The following OSBPL10 variants were observed in gnomAD, a reference collection of about 807,000 sequenced individuals.
OSBPL10 encodes the protein oxysterol binding protein like 10, also known as oxysterol-binding protein-related protein 10.
Under a neutral mutation model 81.7 loss-of-function variants are expected in OSBPL10, and 49 were observed. The ratio of observed to expected loss-of-function variants is 0.60; its 90% CI spans 0.48 to 0.76. The LOEUF (loss-of-function observed/expected upper bound fraction) is 0.76. Ranked by LOEUF, OSBPL10 falls within the 30% of genes least tolerant of loss-of-function variation. The pLI is 0.00. For missense variants in OSBPL10, 923 were observed against 987.8 expected (o/e 0.93, Z 0.88); for synonymous variants, 419 against 383.6 (o/e 1.09, Z -1.08).
At chr3:31,887,380 T>C (rs1343235779) in intron 1 of OSBPL10, among the ~76,000 whole-genome samples, 1 of 152,176 alleles carries the variant, frequency 6.6e-6, no homozygotes, top group African/African-American at 2.4e-5. Flanking sequence ...AAAATTAATA[T>C]CATCTGGTAA....
At chr3:31,771,267 C>T (rs974734962) in intron 4 of OSBPL10, among the ~76,000 whole-genome samples, 2 of 152,134 alleles carry the variant, frequency 1.3e-5, no homozygotes, top group African/African-American at 2.4e-5. Context: ...ATCACAGATA[C>T]AGAATTTCTA....
intron 4 of OSBPL10, among the ~76,000 whole-genome samples, chr3:31,804,183 TACTC>T (rs1216827283): frequency 3.9e-5 from 6 of 152,234 alleles, no homozygotes; most frequent in Admixed American, 6.5e-5. Flanking sequence ...GAAGAGCTTT[TACTC>T]ACCCCACCCC....
chr3:31,972,794 T>A lies in OSBPL10; in HGVS notation c.281+8105A>T, dbSNP rs1312608427. Reference sequence around the variant, plus strand: ...AACTCTTTGTATTTTCATCAATATATTTATAGAAAGGGACTAAACCACACA... The same window carrying A: ...AACTCTTTGTATTTTCATCAATATAATTATAGAAAGGGACTAAACCACACA... On this transcript the variant is annotated intron_variant, in intron 1 of 11. Transcript: ENST00000396556. 2.6e-5 allele frequency among the ~76,000 whole-genome samples: 4 copies of A among 152,164 alleles called. No homozygotes were observed. In the South Asian group the frequency reaches 8.3e-4, roughly 32 times the overall value.
chr3:31,977,499 A>C (rs1011089668), intron 1 of OSBPL10, among the ~76,000 whole-genome samples: 1 of 152,160 alleles, frequency 6.6e-6, no homozygotes, highest in Non-Finnish European at 1.5e-5. Flanking sequence ...ATCCTGGCCA[A>C]CTAGGTGCTA....
chr3:31,858,653 A>G (rs1340410033), intron 3 of OSBPL10, among the ~76,000 whole-genome samples: 1 of 152,220 alleles, frequency 6.6e-6, no homozygotes, highest in African/African-American at 2.4e-5. Context: ...TGAACCGGGT[A>G]CTGCCCCCAG....
At chr3:31,774,995 T>C (rs1443967959) in intron 4 of OSBPL10, among the ~76,000 whole-genome samples, 1 of 151,546 alleles carries the variant, frequency 6.6e-6, no homozygotes. Context: ...GGTGAAACCC[T>C]GTTTCTACAA....
chr3:32,068,357 T>C (rs988721322), intron 1 of OSBPL10, among the ~76,000 whole-genome samples: 1 of 152,070 alleles, frequency 6.6e-6, no homozygotes, highest in Non-Finnish European at 1.5e-5. Flanking sequence ...GGCAAGTCAA[T>C]TGCAGGGATG....
chr3:31,879,510 G>C, intron 2 of OSBPL10, 145 bp downstream of exon 2: 3 of 761,872 alleles, frequency 3.9e-6, no homozygotes, highest in Non-Finnish European at 6.2e-6. Flanking sequence ...CCAGGGATAA[G>C]AGAGGCAATG....
chr3:31,868,753 T>C (rs981930537), intron 3 of OSBPL10, among the ~76,000 whole-genome samples: 2 of 152,254 alleles, frequency 1.3e-5, no homozygotes, highest in Non-Finnish European at 2.9e-5. Flanking sequence ...CTTGTATGAA[T>C]GTCTTTTAAA....
intron 2 of OSBPL10, among the ~76,000 whole-genome samples, chr3:32,037,266 G>T (rs573011991): frequency 6.6e-6 from 1 of 152,348 alleles, no homozygotes; most frequent in African/African-American, 2.4e-5. Context: ...CTCTGCAGAA[G>T]CTTTCATTTG....
intron 3 of OSBPL10, among the ~76,000 whole-genome samples, chr3:31,847,265 C>T (rs1301875214): frequency 6.6e-6 from 1 of 151,598 alleles, no homozygotes; most frequent in Non-Finnish European, 1.5e-5. Context: ...GGCACAATCT[C>T]GGCTCACTGC....
At chr3:32,047,653 C>CTGTTTTT (rs1395178667) in intron 1 of OSBPL10, among the ~76,000 whole-genome samples, 1 of 151,690 alleles carries the variant, frequency 6.6e-6, no homozygotes, top group Admixed American at 6.6e-5. Context: ...TTACTACAAC[C>CTGTTTTT]TGTTTTTTGT....
intron 1 of OSBPL10, among the ~76,000 whole-genome samples, chr3:31,940,337 G>A (rs772041947): frequency 2.6e-5 from 4 of 152,162 alleles, no homozygotes; most frequent in Non-Finnish European, 4.4e-5. Flanking sequence ...CACCTACTAC[G>A]TAACATCATT....
chr3:32,042,554 G>A (rs1559553993), intron 2 of OSBPL10, among the ~76,000 whole-genome samples: 1 of 152,010 alleles, frequency 6.6e-6, no homozygotes. Flanking sequence ...CATATTGGGG[G>A]AACCTGCCCC....
chr3:32,023,994 G>A (rs1469235113), intron 2 of OSBPL10, among the ~76,000 whole-genome samples: 1 of 152,020 alleles, frequency 6.6e-6, no homozygotes, highest in Non-Finnish European at 1.5e-5. Flanking sequence ...AATATTTTTG[G>A]GCTACAGTAG....
chr3:31,998,670 C>T (rs1699115078), intron 2 of OSBPL10, among the ~76,000 whole-genome samples: 1 of 152,156 alleles, frequency 6.6e-6, no homozygotes, highest in African/African-American at 2.4e-5. Flanking sequence ...TATAGCTGTT[C>T]TTGCCAATTG....
chr3:31,990,688 C>T, intron 2 of OSBPL10: 3 of 1,614,108 alleles, frequency 1.9e-6, no homozygotes, highest in Non-Finnish European at 2.5e-6. Context: ...TGGAGAGAAA[C>T]CTTACAAATG....
intron 1 of OSBPL10, among the ~76,000 whole-genome samples, chr3:31,909,098 C>T (rs11129470): frequency 0.56 from 85,324 of 152,036 alleles, 24,539 homozygotes; most frequent in East Asian, 0.85. Context: ...TTACTTTATC[C>T]ATAGCCTGAG....
intron 5 of OSBPL10, among the ~76,000 whole-genome samples, chr3:31,736,439 G>A (rs1195336538): frequency 5.3e-5 from 8 of 152,220 alleles, no homozygotes; most frequent in South Asian, 2.1e-4. Context: ...AGAAATATCC[G>A]CAAATAACAA....
Sources: allele counts gnomAD v4.1 joint callset (sites outside exome capture counted in the v4.1 genomes callset), GRCh38; gene constraint gnomAD v4.1.1; transcripts MANE v1.5; gene names NCBI Gene and HGNC (gene_info 2026-07-23, HGNC 2026-07-21).